SSBP2: variants seen among roughly 807,000 people sequenced by gnomAD.
The protein encoded by SSBP2 is single-stranded DNA-binding protein 2.
A neutral mutation model predicts 61.8 loss-of-function variants in SSBP2; 17 were observed. The observed-to-expected ratio is 0.28, with a 90% CI of 0.19 to 0.41. The LOEUF is 0.41. SSBP2 is among the 10% of genes least tolerant of loss of function. The probability of loss-of-function intolerance (pLI) is 1.00; values close to 1 mark genes in which losing one functional copy is unlikely to be tolerated. For missense variants in SSBP2, 310 were observed against 458.7 expected (o/e 0.68, Z 2.96); for synonymous variants, 139 against 141.3 (o/e 0.98, Z 0.12).
chr5:81,512,798 G>A lies in SSBP2; in HGVS notation c.372+830C>T, dbSNP rs561007558. Among the ~76,000 whole-genome samples, 17 of 152,218 alleles carry A rather than the reference G, an allele frequency of 1.1e-4. No homozygotes were observed. The South Asian group carries it at 3.5e-3, about 32-fold the overall frequency. ...AGAACTCTGAAAATACAAAATGGAA[G>A]TGACAAATTAGTTTATAAGTACCTA... On this transcript the variant is annotated intron_variant, in intron 5 of 16. Coordinates refer to ENST00000320672, the MANE Select transcript of SSBP2 (RefSeq NM_012446.5).
chr5:81,448,227 T>C (rs1300117795), intron 11 of SSBP2, among the ~76,000 whole-genome samples: 1 of 152,202 alleles, frequency 6.6e-6, no homozygotes, highest in East Asian at 1.9e-4. Flanking sequence ...CAGGAGGTCA[T>C]ATAAAACTTA....
chr5:81,741,521 AAAG>A (rs1488723076), intron 1 of SSBP2, among the ~76,000 whole-genome samples: 1 of 152,224 alleles, frequency 6.6e-6, no homozygotes, highest in African/African-American at 2.4e-5. Context: ...TAAAAAAGAA[AAAG>A]AATATTCTCT....
intron 5 of SSBP2, among the ~76,000 whole-genome samples, chr5:81,493,259 TAGATAGA>T (rs992761762): frequency 8.8e-5 from 9 of 102,128 alleles, no homozygotes. Flanking sequence ...AACAGATAGA[TAGATAGA>T]TAGATAGATA....
intron 1 of SSBP2, among the ~76,000 whole-genome samples, chr5:81,699,554 T>A (rs1405826137): frequency 6.6e-6 from 1 of 152,220 alleles, no homozygotes; most frequent in Non-Finnish European, 1.5e-5. Context: ...ATCATGAGAT[T>A]GCAGCAATTC....
chr5:81,678,857 T>C (rs772711619), intron 1 of SSBP2, among the ~76,000 whole-genome samples: 14 of 152,210 alleles, frequency 9.2e-5, no homozygotes, highest in South Asian at 4.1e-4. Flanking sequence ...CCCATAAAAA[T>C]TGAAAATTTG....
chr5:81,439,618 A>G (rs1468091253), intron 14 of SSBP2, among the ~76,000 whole-genome samples: 2 of 141,110 alleles, frequency 1.4e-5, no homozygotes, highest in Non-Finnish European at 3.0e-5. Flanking sequence ...TCTCTGCCTT[A>G]GCCTTTTGAG....
chr5:81,655,654 A>T (rs1399201374), intron 1 of SSBP2, among the ~76,000 whole-genome samples: 1 of 152,216 alleles, frequency 6.6e-6, no homozygotes, highest in Non-Finnish European at 1.5e-5. Flanking sequence ...AAATAAGAAC[A>T]GAGGTAGAGA....
Position 81,715,052 on chromosome 5 carries a change from T to C in SSBP2, c.62+35929A>G, listed in dbSNP as rs573415297. On this transcript the variant is annotated intron_variant, in intron 1 of 16. Transcript: ENST00000320672. ...CCAAAATAGAAAGATGTGGAAAATA[T>C]TTAAGAGAAAAGATAATAATTAGAG... is the stretch of plus-strand genomic sequence containing the variant. 2.6e-5 allele frequency among the ~76,000 whole-genome samples: 4 copies of C among 152,034 alleles called. No individual in the cohort carries two copies. In the East Asian group the frequency reaches 5.8e-4, roughly 22 times the overall value.
intron 10 of SSBP2, among the ~76,000 whole-genome samples, chr5:81,456,105 G>A (rs369266147): frequency 6.6e-6 from 1 of 152,060 alleles, no homozygotes; most frequent in Admixed American, 6.6e-5. Flanking sequence ...TTCTATTTTA[G>A]TGCTTTTTAA....
chr5:81,550,538 C>T, intron 4 of SSBP2, among the ~76,000 whole-genome samples: 1 of 152,054 alleles, frequency 6.6e-6, no homozygotes, highest in East Asian at 1.9e-4. Flanking sequence ...TACACTCATC[C>T]ATTCTTTGAC....
At chr5:81,667,373 C>T (rs764142416) in intron 1 of SSBP2, among the ~76,000 whole-genome samples, 7 of 151,180 alleles carry the variant, frequency 4.6e-5, no homozygotes, top group Non-Finnish European at 5.9e-5. Context: ...CTAGAGCAGG[C>T]AAAGAACCAT....
intron 5 of SSBP2, among the ~76,000 whole-genome samples, chr5:81,509,211 C>T: frequency 6.6e-6 from 1 of 152,198 alleles, no homozygotes; most frequent in Non-Finnish European, 1.5e-5. Context: ...TAAGGAGCCA[C>T]ATCAGCTCTT....
At chr5:81,690,956 C>G (rs1165232391) in intron 1 of SSBP2, among the ~76,000 whole-genome samples, 1 of 151,962 alleles carries the variant, frequency 6.6e-6, no homozygotes, top group African/African-American at 2.4e-5. Context: ...GAACAAATGT[C>G]CTCCTAAATG....
chr5:81,457,805 C>T (rs1287489415), intron 10 of SSBP2, among the ~76,000 whole-genome samples: 1 of 151,870 alleles, frequency 6.6e-6, no homozygotes. Context: ...GAATTATAGG[C>T]GCCTGCTACC....
intron 5 of SSBP2, among the ~76,000 whole-genome samples, chr5:81,498,343 A>G (rs1156965275): frequency 6.6e-6 from 1 of 152,120 alleles, no homozygotes; most frequent in African/African-American, 2.4e-5. Flanking sequence ...TTAACTACGT[A>G]TATACCAAAT....
chr5:81,695,586 G>A (rs968432595), intron 1 of SSBP2, among the ~76,000 whole-genome samples: 17 of 145,028 alleles, frequency 1.2e-4, no homozygotes, highest in Non-Finnish European at 2.5e-4. Flanking sequence ...ACCTATGAAT[G>A]AGAACATGCG....
chr5:81,678,542 A>T (rs986991600), intron 1 of SSBP2, among the ~76,000 whole-genome samples: 5 of 152,144 alleles, frequency 3.3e-5, no homozygotes, highest in African/African-American at 4.8e-5. Flanking sequence ...AATTAACGTC[A>T]AACACCAAAC....
intron 1 of SSBP2, among the ~76,000 whole-genome samples, chr5:81,718,561 T>A (rs1415749941): frequency 6.6e-6 from 1 of 152,146 alleles, no homozygotes; most frequent in African/African-American, 2.4e-5. Flanking sequence ...GGAACGTGAC[T>A]GAAACTTAAG....
At chr5:81,682,295 A>T (rs1210212675) in intron 1 of SSBP2, among the ~76,000 whole-genome samples, 2 of 152,190 alleles carry the variant, frequency 1.3e-5, no homozygotes, top group African/African-American at 4.8e-5. Context: ...AAAAATCCTC[A>T]ACAAAATATT....
Sources: allele counts gnomAD v4.1 joint callset (sites outside exome capture counted in the v4.1 genomes callset), GRCh38; gene constraint gnomAD v4.1.1; transcripts MANE v1.5; gene names NCBI Gene and HGNC (gene_info 2026-07-23, HGNC 2026-07-21).